ANKRD53: variants seen among roughly 807,000 people sequenced by gnomAD.
ANKRD53 encodes ankyrin repeat domain 53.
Under a neutral mutation model 30.1 loss-of-function variants are expected in ANKRD53, and 27 were observed. That is an observed-to-expected ratio of 0.90 (90% CI 0.66 to 1.24). The LOEUF (loss-of-function observed/expected upper bound fraction) is 1.24. Ranked by LOEUF, ANKRD53 falls within the 50% of genes most tolerant of loss-of-function variation. The probability of loss-of-function intolerance (pLI) is 0.00; values close to 1 mark genes in which losing one functional copy is unlikely to be tolerated. For synonymous variants in ANKRD53, 286 were observed against 295.4 expected, an observed-to-expected ratio of 0.97 and a Z score of 0.33; for missense variants, 682 against 721.0, an observed-to-expected ratio of 0.95 and a Z score of 0.62.
chr2:70,978,687 A>C lies in ANKRD53; in HGVS notation c.42A>C (p.Gly14=). 11 of 1,543,804 alleles carry C rather than the reference A, an allele frequency of 7.1e-6. No individual in the cohort carries two copies. Among genetic ancestry groups the C allele is most frequent in the Non-Finnish European group, 8.7e-6 (10 of 1,145,022 alleles). The change falls in exon 1 of 6, where the codon GGA becomes GGC. Residue 14 remains glycine, a synonymous_variant. Transcript: ENST00000360589. The surrounding 1 kb of genome is among the most constrained non-coding windows in gnomAD (Gnocchi z 4.3). The part of the protein sequence containing the change: ...AGSTARRAGS[G]SWHSERGEGR... ...GCACCGCTCGGCGGGCGGGCTCCGG[A>C]AGCTGGCACTCAGAAAGGGGAGAAG...
Position 70,984,701 on chromosome 2 carries a change from C to G in ANKRD53, c.994C>G (p.Gln332Glu), listed in dbSNP as rs782116613. The G allele has an allele frequency of 1.9e-6, 3 of 1,613,574 alleles. No individual in the cohort carries two copies. Among genetic ancestry groups the G allele is most frequent in the Non-Finnish European group, 1.7e-6 (2 of 1,179,654 alleles). ...CCACTCTCTGGTCTCCAATACCAAG[C>G]AAGCCCGGGCCACCGCCCTCTCCAA... ...PGHSLVSNTK[Q>E]ARATALSKTP... The change falls in exon 6 of 6, where the codon CAA becomes GAA. Residue 332 changes from glutamine (Q) to glutamate (E), a missense_variant. Coordinates refer to ENST00000360589, the MANE Select transcript of ANKRD53 (RefSeq NM_001115116.2).
rs1558689053 is a variant in ANKRD53 at position 70,982,807 on chromosome 2, A to G, written c.903+110A>G. 1.4e-6 allele frequency: 2 copies of G among 1,436,146 alleles called. No homozygotes were observed. Among genetic ancestry groups the G allele is most frequent in the East Asian group, 4.8e-5 (2 of 42,050 alleles). 89.0% of individuals were successfully genotyped at this position (1,436,146 alleles called of 1,614,324 possible). The stretch of plus-strand genomic sequence containing the variant: ...AGTGGCTAGAAGCACTCCCACCCTG[A>G]AAGAGCCACCCTTTCGCCTGTACTC... On this transcript the variant is annotated intron_variant, in intron 5 of 5. Coordinates refer to ENST00000360589, the MANE Select transcript of ANKRD53 (RefSeq NM_001115116.2). This position sits in a 1 kb window ranked among gnomAD's most constrained non-coding sequence, Gnocchi z 4.2.
intron 5 of ANKRD53, 56 bp from the exon 6 acceptor site, chr2:70,984,555 C>T (rs1670112449): frequency 6.3e-7 from 1 of 1,581,990 alleles, no homozygotes; most frequent in Non-Finnish European, 8.6e-7. Flanking sequence ...ACCTCCTTGC[C>T]CAGAAGCAGA....
chr2:70,979,602 T>G, intron 2 of ANKRD53, 59 bp from the exon 3 acceptor site: 2 of 1,533,546 alleles, frequency 1.3e-6, no homozygotes, highest in East Asian at 4.8e-5. Context: ...TTATATAAAT[T>G]GTGGACCCTG....
At chr2:70,981,204 T>A (rs948547840) in intron 3 of ANKRD53, among the ~76,000 whole-genome samples, 1 of 152,246 alleles carries the variant, frequency 6.6e-6, no homozygotes, top group Admixed American at 6.5e-5. Context: ...GTATCAAGTA[T>A]GCACTATGTG....
In ANKRD53 at chr2:70,982,084, C is replaced by T; in HGVS notation, c.766C>T (p.His256Tyr). The change falls in exon 4 of 6, where the codon CAC becomes TAC. Residue 256 changes from histidine (H) to tyrosine (Y), a missense_variant. By Grantham distance (83) the His-to-Tyr change is moderately conservative. Transcript: ENST00000360589. The surrounding 1 kb of genome is among the most constrained non-coding windows in gnomAD (Gnocchi z 4.2). Reference protein sequence around the residue: ...KPIDFCKIWNHRACARFLKDA... With the variant: ...KPIDFCKIWNYRACARFLKDA... ...CATTGACTTCTGCAAAATATGGAAC[C>T]ACCGTGCCTGTGCCCGGTGAGAGTG... is the stretch of plus-strand genomic sequence containing the variant. The T allele has an allele frequency of 2.5e-6, 4 of 1,609,486 alleles. No individual in the cohort carries two copies. The highest frequency in any genetic ancestry group is 2.5e-6 in the Non-Finnish European group (3 of 1,177,736).
Position 70,985,494 on chromosome 2 carries a change from C to A in ANKRD53, c.*194C>A. 1 of 584,804 alleles carries A rather than the reference C, an allele frequency of 1.7e-6. No individual in the cohort carries two copies. The highest frequency in any genetic ancestry group is 3.0e-5 in the East Asian group (1 of 33,352). The allele number at this position is 584,804 out of a possible 1,614,324, so 36.2% of individuals were successfully genotyped here. A position where few individuals can be genotyped will look rare whatever the true frequency, so the allele number is the denominator to read the frequency against. ...CTCTGCAAATAAATCTCTTGGCACC[C>A]CCCCACCGCCGCCAGGAAATCCAAG... On this transcript the variant is annotated 3_prime_UTR_variant, in exon 6 of 6. Transcript: ENST00000360589.
chr2:70,984,447 G>C, intron 5 of ANKRD53, 164 bp from the exon 6 acceptor site: 1 of 985,372 alleles, frequency 1.0e-6, no homozygotes, highest in Non-Finnish European at 1.2e-6. Flanking sequence ...CTCCCATAAG[G>C]CAGGTGTTGC....
In ANKRD53 at chr2:70,985,362, C is replaced by G. The variant is rs782570025; in HGVS notation, c.*62C>G. On this transcript the variant is annotated 3_prime_UTR_variant, in exon 6 of 6. Transcript: ENST00000360589. Reference sequence around the variant, plus strand: ...GTGAAGGCTGAAGTGTGGCAATTCACGTTGTGGGTGGCGAGGAAAGGGGGA... The same window carrying G: ...GTGAAGGCTGAAGTGTGGCAATTCAGGTTGTGGGTGGCGAGGAAAGGGGGA... 4.1e-6 allele frequency: 6 copies of G among 1,446,832 alleles called. No homozygotes were observed. The African/African-American group carries it at 8.5e-5, about 21-fold the overall frequency. 89.6% of individuals were successfully genotyped at this position (1,446,832 alleles called of 1,614,324 possible). A position where few individuals can be genotyped will look rare whatever the true frequency, so the allele number is the denominator to read the frequency against.
Position 70,979,338 on chromosome 2 carries a change from G to T in ANKRD53, c.412G>T (p.Asp138Tyr), listed in dbSNP as rs375062592. 3.1e-5 allele frequency: 50 copies of T among 1,613,532 alleles called. No homozygotes were observed. Among genetic ancestry groups the T allele is most frequent in the Non-Finnish European group, 4.2e-5 (49 of 1,180,038 alleles). ...NQSLREIPTDDKGFTAIHFAA... is the reference protein window; with the variant it reads ...NQSLREIPTDYKGFTAIHFAA... The stretch of plus-strand genomic sequence containing the variant: ...GAGCCTCAGGGAAATCCCCACCGAC[G>T]ACAAGGTAAGGTCTTGAGTGTTGGG... The change falls in exon 2 of 6, where the codon GAC becomes TAC. Residue 138 changes from aspartate (D) to tyrosine (Y), a missense_variant. Asp to Tyr is a radical substitution (Grantham distance 160). Transcript: ENST00000360589.
chr2:70,984,893 C>G lies in ANKRD53; in HGVS notation c.1186C>G (p.Pro396Ala), dbSNP rs1388213929. The change falls in exon 6 of 6, where the codon CCC (proline) becomes GCC (alanine). Residue 396 changes from proline (P) to alanine (A), a missense_variant. By Grantham distance (27) the Pro-to-Ala change is conservative. Coordinates refer to ENST00000360589, the MANE Select transcript of ANKRD53 (RefSeq NM_001115116.2). Reference protein sequence around the residue: ...WNVSNNPARPPTTQISHSQGI... With the variant: ...WNVSNNPARPATTQISHSQGI... The stretch of plus-strand genomic sequence containing the variant: ...TGTTAGCAACAACCCCGCCAGACCC[C>G]CCACCACCCAGATCAGCCACTCGCA... 1 of 1,550,774 alleles carries G rather than the reference C, an allele frequency of 6.4e-7. No individual in the cohort carries two copies. The highest frequency in any genetic ancestry group is 8.7e-7 in the Non-Finnish European group (1 of 1,146,928).
Position 70,978,999 on chromosome 2 carries a change from A to G in ANKRD53, c.171-98A>G. The G allele has an allele frequency of 6.9e-7, 1 of 1,454,894 alleles. No homozygotes were observed. 90.1% of individuals were successfully genotyped at this position (1,454,894 alleles called of 1,614,324 possible). ...GGCCGTGGCCCAGAGTCGCTTCCCC[A>G]CTGCCCCGCCCACCAGCCAGGCGGG... is the stretch of plus-strand genomic sequence containing the variant. On this transcript the variant is annotated intron_variant, in intron 1 of 5. Transcript: ENST00000360589. The surrounding 1 kb of genome is among the most constrained non-coding windows in gnomAD (Gnocchi z 4.3).
In ANKRD53 at chr2:70,985,266, T is replaced by TCG; in HGVS notation, c.1560_1561insGC (p.Pro521AlafsTer25). Reference sequence around the variant, plus strand: ...GCAGCTGTGCGATCTCATCAAGGACTCCCCACCCTGCCCTCCCCACAAACC... The same window carrying TCG: ...GCAGCTGTGCGATCTCATCAAGGACTCGCCCCACCCTGCCCTCCCCACAAACC... On this transcript the variant is annotated frameshift_variant, in exon 6 of 6. Transcript: ENST00000360589. LOFTEE classifies it low-confidence loss of function (END_TRUNC). The TCG allele has an allele frequency of 5.8e-6, 9 of 1,544,122 alleles. No homozygotes were observed. Among genetic ancestry groups the TCG allele is most frequent in the Non-Finnish European group, 7.0e-6 (8 of 1,141,126 alleles).
In ANKRD53 at chr2:70,978,947, C is replaced by T; in HGVS notation, c.170+132C>T. Reference sequence around the variant, plus strand: ...GAAGCCAGCAGAGACAGGCTGGGGCCAGGGATCGCCTCCCGAGAGGTGCCT... The same window carrying T: ...GAAGCCAGCAGAGACAGGCTGGGGCTAGGGATCGCCTCCCGAGAGGTGCCT... On this transcript the variant is annotated intron_variant, in intron 1 of 5. Transcript: ENST00000360589. This position sits in a 1 kb window ranked among gnomAD's most constrained non-coding sequence, Gnocchi z 4.3. The T allele has an allele frequency of 2.1e-6, 3 of 1,436,740 alleles. No homozygotes were observed. Among genetic ancestry groups the T allele is most frequent in the East Asian group, 2.6e-5 (1 of 38,622 alleles). 89.0% of individuals were successfully genotyped at this position (1,436,740 alleles called of 1,614,324 possible). A position where few individuals can be genotyped will look rare whatever the true frequency, so the allele number is the denominator to read the frequency against.
chr2:70,979,820 T>C lies in ANKRD53; in HGVS notation c.577T>C (p.Cys193Arg), dbSNP rs782440769. The change falls in exon 3 of 6, where the codon TGC becomes CGC. Residue 193 changes from cysteine (C) to arginine (R), a missense_variant. Transcript: ENST00000360589. ...GGACAACACCACCGTGGCCCTCCCC[T>C]GCATCTACTACCTGCTGGAGAAAGG... Reference protein sequence around the residue: ...HRDNTTVALPCIYYLLEKGAD... With the variant: ...HRDNTTVALPRIYYLLEKGAD... 3.7e-6 allele frequency: 6 copies of C among 1,614,122 alleles called. No individual in the cohort carries two copies. Among genetic ancestry groups the C allele is most frequent in the South Asian group, 3.3e-5 (3 of 91,094 alleles).
At position 70,984,651 on chromosome 2, in the gene ANKRD53, G is replaced by C; in HGVS notation, c.944G>C (p.Trp315Ser). The change falls in exon 6 of 6, where the codon TGG becomes TCG. Residue 315 changes from tryptophan to serine, a missense_variant. Trp to Ser is a radical substitution (Grantham distance 177). Transcript: ENST00000360589. The part of the protein sequence containing the change: ...KILREAAIRK[W>S]LHGKLHPGHS... The stretch of plus-strand genomic sequence containing the variant: ...CTCAGAGAAGCTGCTATCAGAAAGT[G>C]GCTCCACGGCAAGCTGCACCCAGGC... 1 of 1,614,154 alleles carries C rather than the reference G, an allele frequency of 6.2e-7. No individual in the cohort carries two copies. The highest frequency in any genetic ancestry group is 1.3e-5 in the African/African-American group (1 of 75,054).
At position 70,982,129 on chromosome 2, in the gene ANKRD53, G is replaced by T. The variant is rs201197919; in HGVS notation, c.782+29G>T. On this transcript the variant is annotated intron_variant, in intron 4 of 5. Transcript: ENST00000360589. The surrounding 1 kb of genome is among the most constrained non-coding windows in gnomAD (Gnocchi z 4.2). ...AGAGTGTGAGAACCACCTGGAGCCT[G>T]CCCACCCCCTTCCCCTCCCCCAGCC... 78 of 1,570,538 alleles carry T rather than the reference G, an allele frequency of 5.0e-5. No individual in the cohort carries two copies. The East Asian group carries it at 1.5e-3, about 29-fold the overall frequency.
At chr2:70,984,547 C>T in intron 5 of ANKRD53, 64 bp from the exon 6 acceptor site, 1 of 1,570,752 alleles carries the variant, frequency 6.4e-7, no homozygotes, top group South Asian at 1.2e-5. Flanking sequence ...GCCACAGGAC[C>T]TCCTTGCCCA....
Position 70,982,321 on chromosome 2 carries a change from T to C in ANKRD53, c.782+221T>C. 1.4e-6 allele frequency: 1 copy of C among 728,986 alleles called. No homozygotes were observed. The highest frequency in any genetic ancestry group is 2.2e-6 in the Non-Finnish European group (1 of 460,996). The allele number at this position is 728,986 out of a possible 1,614,324, so 45.2% of individuals were successfully genotyped here. A position where few individuals can be genotyped will look rare whatever the true frequency, so the allele number is the denominator to read the frequency against. On this transcript the variant is annotated intron_variant, in intron 4 of 5. Transcript: ENST00000360589. This position sits in a 1 kb window ranked among gnomAD's most constrained non-coding sequence, Gnocchi z 4.2. ...GTCCCCTGCTCTCTGGGTTGATCAC[T>C]GCCCTCCTTTCCTGCCCTGGGGCCC...
Sources: gnomAD v4.1 joint callset for allele counts (sites outside exome capture counted in the v4.1 genomes callset) on GRCh38, gnomAD v4.1.1 for gene constraint, Gnocchi (gnomAD v3.1) non-coding constraint, MANE v1.5 for transcripts, NCBI Gene and HGNC (gene_info 2026-07-23, HGNC 2026-07-21) for gene names.